Variants in RGS7 observed in about 807,000 individuals in gnomAD.
RGS7 encodes the protein regulator of G-protein signaling 7.
In RGS7, 27 loss-of-function variants were observed where a neutral mutation model predicts 81.1. The observed-to-expected ratio is 0.33, with a 90% CI of 0.25 to 0.46. RGS7 has a LOEUF of 0.46. Ranked by LOEUF, RGS7 falls within the 20% of genes least tolerant of loss-of-function variation. The pLI is 1.00. For synonymous variants in RGS7, 208 were observed against 207.7 expected, an observed-to-expected ratio of 1.00 and a Z score of -0.01; for missense variants, 396 against 607.4, an observed-to-expected ratio of 0.65 and a Z score of 3.66.
At chr1:241,284,119 T>G (rs1238382673) in intron 2 of RGS7, among the ~76,000 whole-genome samples, 1 of 152,236 alleles carries the variant, frequency 6.6e-6, no homozygotes. Context: ...TTTAGCATCT[T>G]TGTTACCTTG....
chr1:241,186,524 T>TATATATATA (rs375213177), intron 2 of RGS7: 35 of 235,854 alleles, frequency 1.5e-4, no homozygotes, highest in African/African-American at 3.4e-4. Flanking sequence ...TATATATATA[T>TATATATATA]TTTTTTTTTT....
chr1:241,151,636 GGTATACACATGC>G (rs2068764809), intron 2 of RGS7, among the ~76,000 whole-genome samples: 1 of 147,688 alleles, frequency 6.8e-6, no homozygotes, highest in African/African-American at 2.6e-5. Flanking sequence ...TTGTTACATA[GGTATACACATGC>G]CATGGGTTTG....
chr1:241,097,014 T>G (rs1181492673), intron 3 of RGS7, among the ~76,000 whole-genome samples: 3 of 151,940 alleles, frequency 2.0e-5, no homozygotes. Flanking sequence ...AGATGTGGAG[T>G]TAACTCTGAA....
Position 241,271,884 on chromosome 1 carries a change from C to CGT in RGS7, c.78+83813_78+83814dup, listed in dbSNP as rs373357799. 0.03 allele frequency among the ~76,000 whole-genome samples: 4,267 copies of CGT among 140,388 alleles called. 65 individuals carry two copies. The highest frequency in any genetic ancestry group is 0.041 in the African/African-American group (1,523 of 37,060). The allele number at this position is 140,388 out of a possible 152,430, so 92.1% of individuals were successfully genotyped here. ...AATCACACAAGCCAAATCTTTATAA[C>CGT]GTGTGTGTGTGTGTGTGTGTGTGTG... On this transcript the variant is annotated intron_variant, in intron 2 of 18. Transcript: ENST00000440928. This position sits in a 1 kb window ranked among gnomAD's most constrained non-coding sequence, Gnocchi z 4.6.
At chr1:241,323,767 C>G (rs1369540116) in intron 2 of RGS7, among the ~76,000 whole-genome samples, 1 of 152,176 alleles carries the variant, frequency 6.6e-6, no homozygotes, top group Non-Finnish European at 1.5e-5. Context: ...AGACTCACAT[C>G]TATCCTGAAA....
rs2103096805 is a variant in RGS7 at position 241,144,217 on chromosome 1, A to G, written c.79-45455T>C. On this transcript the variant is annotated intron_variant, in intron 2 of 18. Transcript: ENST00000440928. The surrounding 1 kb of genome is among the most constrained non-coding windows in gnomAD (Gnocchi z 4.7). ...AGCTGAACAACAGTGTCTCCTGTTAAAAAATTCAAATCCTCATCCAAATTG... is the reference window on the plus strand; with the variant it reads ...AGCTGAACAACAGTGTCTCCTGTTAGAAAATTCAAATCCTCATCCAAATTG... 6.6e-6 allele frequency among the ~76,000 whole-genome samples: 1 copy of G among 152,292 alleles called. No individual in the cohort carries two copies. The highest frequency in any genetic ancestry group is 1.5e-5 in the Non-Finnish European group (1 of 68,022).
At chr1:241,175,120 T>G (rs1217079783) in intron 2 of RGS7, among the ~76,000 whole-genome samples, 5 of 152,072 alleles carry the variant, frequency 3.3e-5, no homozygotes, top group East Asian at 1.9e-4. Context: ...GCCAGGCTGG[T>G]CTCGAATGCC....
chr1:240,980,436 A>G (rs1392148582), intron 4 of RGS7, among the ~76,000 whole-genome samples: 7 of 152,136 alleles, frequency 4.6e-5, no homozygotes, highest in Admixed American at 4.6e-4. Flanking sequence ...GAGATCTTCA[A>G]ACGACCACTT....
At chr1:241,276,210 T>A (rs762729527) in intron 2 of RGS7, among the ~76,000 whole-genome samples, 1 of 152,228 alleles carries the variant, frequency 6.6e-6, no homozygotes. Flanking sequence ...CTTTAGGAGA[T>A]CAGCTCAGAA....
chr1:241,212,912 T>C (rs534263131), intron 2 of RGS7, among the ~76,000 whole-genome samples: 36 of 152,320 alleles, frequency 2.4e-4, no homozygotes, highest in African/African-American at 8.4e-4. Flanking sequence ...TCTTTGACTT[T>C]TTCTCAAAGT....
intron 2 of RGS7, among the ~76,000 whole-genome samples, chr1:241,268,397 T>G (rs938807025): frequency 2.0e-5 from 3 of 152,174 alleles, no homozygotes; most frequent in African/African-American, 7.2e-5. Context: ...TTAGCAGATC[T>G]CTGGCCTCTA....
chr1:240,987,370 TTC>T (rs1157257763), intron 3 of RGS7, among the ~76,000 whole-genome samples: 1 of 152,174 alleles, frequency 6.6e-6, no homozygotes, highest in Non-Finnish European at 1.5e-5. Flanking sequence ...TTTGCAATGT[TTC>T]TCTTTCAGGG....
At chr1:240,848,461 T>C (rs1250246957) in intron 9 of RGS7, among the ~76,000 whole-genome samples, 1 of 152,140 alleles carries the variant, frequency 6.6e-6, no homozygotes, top group Non-Finnish European at 1.5e-5. Context: ...CAATAATTTT[T>C]AGGAGTGAAA....
intron 6 of RGS7, chr1:240,920,080 A>C: frequency 1.0e-6 from 1 of 952,634 alleles, no homozygotes; most frequent in Non-Finnish European, 1.7e-6. Context: ...GGCAATGGCA[A>C]GAAAAGAGGC....
intron 6 of RGS7, among the ~76,000 whole-genome samples, chr1:240,877,563 A>T (rs987561791): frequency 6.6e-6 from 1 of 152,136 alleles, no homozygotes; most frequent in African/African-American, 2.4e-5. Flanking sequence ...TTTTCATATC[A>T]ATAAGTGCTG....
At chr1:240,897,236 A>T (rs1419732564) in intron 6 of RGS7, among the ~76,000 whole-genome samples, 2 of 152,210 alleles carry the variant, frequency 1.3e-5, no homozygotes, top group East Asian at 3.8e-4. Flanking sequence ...AATAGGGACA[A>T]TTTGACTTCC....
At chr1:240,792,989 T>G (rs1313294662) in intron 18 of RGS7, among the ~76,000 whole-genome samples, 1 of 152,102 alleles carries the variant, frequency 6.6e-6, no homozygotes, top group Non-Finnish European at 1.5e-5. Flanking sequence ...CCCAGGATGG[T>G]CTCTGGCTGA....
intron 6 of RGS7, among the ~76,000 whole-genome samples, chr1:240,875,169 C>A (rs914794719): frequency 6.6e-6 from 1 of 152,170 alleles, no homozygotes; most frequent in Non-Finnish European, 1.5e-5. Flanking sequence ...TGAAACTTTG[C>A]GCTCTTTAAC....
intron 2 of RGS7, among the ~76,000 whole-genome samples, chr1:241,281,382 T>C (rs1296993339): frequency 2.6e-5 from 4 of 152,222 alleles, no homozygotes; most frequent in African/African-American, 7.2e-5. Flanking sequence ...ACGCTCTTTG[T>C]CCCCACACAG....
Sources: gnomAD v4.1 joint callset for allele counts (sites outside exome capture counted in the v4.1 genomes callset) on GRCh38, gnomAD v4.1.1 for gene constraint, Gnocchi (gnomAD v3.1) non-coding constraint, MANE v1.5 for transcripts, NCBI Gene and HGNC (gene_info 2026-07-23, HGNC 2026-07-21) for gene names.